The following CAMK4 variants were observed in gnomAD, a reference collection of about 807,000 sequenced individuals.
The protein encoded by CAMK4 is calcium/calmodulin-dependent protein kinase type IV.
Under a neutral mutation model 44.9 loss-of-function variants are expected in CAMK4, and 22 were observed. The ratio of observed to expected loss-of-function variants is 0.49; its 90% CI spans 0.35 to 0.70. The LOEUF (loss-of-function observed/expected upper bound fraction) is 0.70. CAMK4 is among the 30% of genes least tolerant of loss of function. The pLI is 0.01. For missense variants in CAMK4, 498 were observed against 586.8 expected (o/e 0.85, Z 1.56); for synonymous variants, 218 against 215.4 (o/e 1.01, Z -0.11).
chr5:111,397,228 A>G (rs1449658144), intron 5 of CAMK4, among the ~76,000 whole-genome samples: 3 of 152,218 alleles, frequency 2.0e-5, no homozygotes, highest in Admixed American at 2.0e-4. Context: ...TGGACATGTC[A>G]CTAAATATCT....
chr5:111,309,886 A>G (rs183402913), intron 1 of CAMK4, among the ~76,000 whole-genome samples: 140 of 152,270 alleles, frequency 9.2e-4, no homozygotes, highest in Middle Eastern at 3.4e-3. Flanking sequence ...AGATATTGAT[A>G]AGGGACATAG....
rs538244693 is a variant in CAMK4 at position 111,290,683 on chromosome 5, G to T, written c.162-53341G>T. ...TCCACTGGTGTTTCCACATTTGTGA[G>T]TTGCATATGTGCGGGTGCCATGGGG... On this transcript the variant is annotated intron_variant, in intron 1 of 10. Coordinates refer to ENST00000282356, the MANE Select transcript of CAMK4 (RefSeq NM_001744.6). This position sits in a 1 kb window ranked among gnomAD's most constrained non-coding sequence, Gnocchi z 4.5. 1.2e-4 allele frequency among the ~76,000 whole-genome samples: 18 copies of T among 152,284 alleles called. No individual in the cohort carries two copies. The highest frequency in any genetic ancestry group is 4.3e-4 in the African/African-American group (18 of 41,556).
chr5:111,327,798 A>G (rs1024713897), intron 1 of CAMK4, among the ~76,000 whole-genome samples: 1 of 150,166 alleles, frequency 6.7e-6, no homozygotes, highest in South Asian at 2.1e-4. Context: ...TTGGCTGCAT[A>G]AATGTCTTCT....
At chr5:111,233,515 T>C (rs965909803) in intron 1 of CAMK4, among the ~76,000 whole-genome samples, 79 of 152,334 alleles carry the variant, frequency 5.2e-4, no homozygotes, top group African/African-American at 1.9e-3. Flanking sequence ...AAAGTTAAAT[T>C]TCCATACCGT....
At chr5:111,426,958 G>C (rs1473151135) in intron 5 of CAMK4, among the ~76,000 whole-genome samples, 2 of 152,188 alleles carry the variant, frequency 1.3e-5, no homozygotes, top group African/African-American at 4.8e-5. Flanking sequence ...AAGAGTCCCA[G>C]TGCTGAATTA....
chr5:111,477,960 A>G lies in CAMK4; in HGVS notation c.702-421A>G, dbSNP rs866031448. Among the ~76,000 whole-genome samples the G allele has an allele frequency of 1.8e-4, 27 of 152,124 alleles. No individual in the cohort carries two copies. In the Middle Eastern group the frequency reaches 0.01, roughly 57 times the overall value. The stretch of plus-strand genomic sequence containing the variant: ...CAAAATCCCAGCTCTTCCCTTTCAC[A>G]CTAAATTGGAAGTCTATTCAATCTC... On this transcript the variant is annotated intron_variant, in intron 8 of 10. Transcript: ENST00000282356.
chr5:111,254,301 A>G (rs1198854187), intron 1 of CAMK4, among the ~76,000 whole-genome samples: 3 of 152,226 alleles, frequency 2.0e-5, no homozygotes, highest in Non-Finnish European at 4.4e-5. Context: ...ACTGACACCC[A>G]AAGGGAAGTC....
At chr5:111,267,131 C>T (rs528871452) in intron 1 of CAMK4, among the ~76,000 whole-genome samples, 2 of 152,060 alleles carry the variant, frequency 1.3e-5, no homozygotes, top group Non-Finnish European at 2.9e-5. Context: ...TCTCTGAGAG[C>T]TTCCTTGTTG....
intron 4 of CAMK4, among the ~76,000 whole-genome samples, chr5:111,382,539 A>G (rs996804516): frequency 6.6e-6 from 1 of 152,190 alleles, no homozygotes. Flanking sequence ...AGTGAATATA[A>G]TGAGGAACAT....
At chr5:111,322,073 T>C (rs1379628005) in intron 1 of CAMK4, among the ~76,000 whole-genome samples, 1 of 152,010 alleles carries the variant, frequency 6.6e-6, no homozygotes, top group African/African-American at 2.4e-5. Flanking sequence ...ACCTAGACTA[T>C]AGTTATAAGA....
intron 7 of CAMK4, among the ~76,000 whole-genome samples, chr5:111,450,547 G>A (rs1211310653): frequency 1.6e-5 from 2 of 125,494 alleles, no homozygotes; most frequent in South Asian, 2.3e-4. Context: ...CAGCACTTTC[G>A]GAGGCCGAGG....
intron 1 of CAMK4, among the ~76,000 whole-genome samples, chr5:111,283,885 C>T (rs1751125057): frequency 6.6e-6 from 1 of 152,102 alleles, no homozygotes; most frequent in South Asian, 2.1e-4. Flanking sequence ...GATCTATTTC[C>T]ATCCTCATGA....
chr5:111,424,648 C>T (rs1213495331), intron 5 of CAMK4, among the ~76,000 whole-genome samples: 1 of 151,548 alleles, frequency 6.6e-6, no homozygotes, highest in East Asian at 2.0e-4. Flanking sequence ...GGGGTTTCAC[C>T]ATGTTAGCCA....
At chr5:111,327,874 A>C (rs1404225485) in intron 1 of CAMK4, among the ~76,000 whole-genome samples, 1 of 143,854 alleles carries the variant, frequency 7.0e-6, no homozygotes, top group African/African-American at 2.7e-5. Flanking sequence ...TTTTCTTGTA[A>C]ATTTGTTTTG....
At chr5:111,392,329 C>T (rs1751831098) in intron 4 of CAMK4, among the ~76,000 whole-genome samples, 1 of 152,090 alleles carries the variant, frequency 6.6e-6, no homozygotes, top group Non-Finnish European at 1.5e-5. Flanking sequence ...AAGTGCCACA[C>T]ACTTCAACTA....
At chr5:111,438,595 C>G (rs1289544524) in intron 5 of CAMK4, among the ~76,000 whole-genome samples, 1 of 152,066 alleles carries the variant, frequency 6.6e-6, no homozygotes, top group East Asian at 1.9e-4. Flanking sequence ...TTCATGTATA[C>G]TCCTTTATGC....
At chr5:111,394,689 T>C (rs1347914329) in intron 4 of CAMK4, 21 bp from the exon 5 acceptor site, 5 of 1,574,056 alleles carry the variant, frequency 3.2e-6, no homozygotes, top group Non-Finnish European at 4.4e-6. Context: ...CTGAGAAGCA[T>C]TTCCTTTCTT....
At position 111,363,110 on chromosome 5, in the gene CAMK4, G is replaced by T. The variant is rs560403919; in HGVS notation, c.241-11740G>T. Among the ~76,000 whole-genome samples, 28 of 152,148 alleles carry T rather than the reference G, an allele frequency of 1.8e-4. No individual in the cohort carries two copies. In the South Asian group the frequency reaches 3.5e-3, roughly 19 times the overall value. ...GTGAGCAGGAGTATCAGTACTTGCT[G>T]CAGTGGATTTAGAAGGTCAGTAACT... On this transcript the variant is annotated intron_variant, in intron 2 of 10. Coordinates refer to ENST00000282356, the MANE Select transcript of CAMK4 (RefSeq NM_001744.6).
chr5:111,428,797 T>C (rs1039877759), intron 5 of CAMK4, among the ~76,000 whole-genome samples: 5 of 152,124 alleles, frequency 3.3e-5, no homozygotes, highest in African/African-American at 9.7e-5. Context: ...GAAAGTTTAA[T>C]AACAGAGAAC....
Sources: allele counts gnomAD v4.1 joint callset (sites outside exome capture counted in the v4.1 genomes callset), GRCh38; gene constraint gnomAD v4.1.1; non-coding constraint Gnocchi (gnomAD v3.1); transcripts MANE v1.5; gene names NCBI Gene and HGNC (gene_info 2026-07-23, HGNC 2026-07-21).